Variants in PDE1A observed in about 807,000 individuals in gnomAD.
The protein encoded by PDE1A is phosphodiesterase 1A, also known as dual specificity calcium/calmodulin-dependent 3',5'-cyclic nucleotide phosphodiesterase 1A.
PDE1A carries 35 observed loss-of-function variants against 61.7 expected under a neutral mutation model. The observed-to-expected ratio is 0.57, with a 90% CI of 0.43 to 0.75. The LOEUF is 0.75. PDE1A is among the 30% of genes least tolerant of loss of function. PDE1A has a pLI of 0.00. For missense variants in PDE1A, 597 were observed against 630.6 expected (o/e 0.95, Z 0.57); for synonymous variants, 232 against 213.2 (o/e 1.09, Z -0.77).
At chr2:182,496,389 T>C (rs1467641948) in intron 2 of PDE1A, among the ~76,000 whole-genome samples, 3 of 152,242 alleles carry the variant, frequency 2.0e-5, no homozygotes, top group Non-Finnish European at 2.9e-5. Flanking sequence ...GTATCTTTTT[T>C]ATTATTATTT....
chr2:182,247,612 C>T (rs1691072824), intron 2 of PDE1A, among the ~76,000 whole-genome samples: 1 of 152,178 alleles, frequency 6.6e-6, no homozygotes, highest in African/African-American at 2.4e-5. Flanking sequence ...TGAGCAGCTC[C>T]TCAAGTTTCA....
intron 7 of PDE1A, among the ~76,000 whole-genome samples, chr2:182,210,840 G>C (rs963529675): frequency 8.6e-5 from 13 of 151,936 alleles, no homozygotes; most frequent in African/African-American, 3.1e-4. Flanking sequence ...AGGGTATAAG[G>C]CCTGTGTCTT....
chr2:182,236,566 T>C (rs940559989), intron 3 of PDE1A, among the ~76,000 whole-genome samples: 2 of 152,230 alleles, frequency 1.3e-5, no homozygotes, highest in Non-Finnish European at 2.9e-5. Flanking sequence ...GAATCACATG[T>C]TAGCCACTCA....
At chr2:182,343,928 G>A (rs1221794524) in intron 1 of PDE1A, among the ~76,000 whole-genome samples, 1 of 150,828 alleles carries the variant, frequency 6.6e-6, no homozygotes, top group African/African-American at 2.4e-5. Flanking sequence ...GGAGTGCAGT[G>A]GCACAATCAC....
chr2:182,330,320 G>A (rs1697323680), intron 1 of PDE1A, among the ~76,000 whole-genome samples: 1 of 146,208 alleles, frequency 6.8e-6, no homozygotes, highest in Non-Finnish European at 1.5e-5. Flanking sequence ...CTCCAGCCTG[G>A]GTGACAACAG....
chr2:182,330,386 C>T (rs578122979), intron 1 of PDE1A, among the ~76,000 whole-genome samples: 24 of 151,876 alleles, frequency 1.6e-4, no homozygotes, highest in Non-Finnish European at 2.1e-4. Context: ...TGGGTTACAG[C>T]ACTGAATAAT....
At chr2:182,385,312 G>A (rs896024163) in intron 1 of PDE1A, among the ~76,000 whole-genome samples, 24 of 152,270 alleles carry the variant, frequency 1.6e-4, no homozygotes, top group South Asian at 6.2e-4. Flanking sequence ...ACTTCAGTGC[G>A]AAGGTTGACA....
intron 12 of PDE1A, 32 bp downstream of exon 12, chr2:182,186,436 T>C: frequency 6.2e-7 from 1 of 1,604,274 alleles, no homozygotes; most frequent in East Asian, 2.2e-5. Flanking sequence ...ACCACAAAGA[T>C]GAAAAATAAT....
At chr2:182,304,408 A>G (rs1695446595) in intron 1 of PDE1A, among the ~76,000 whole-genome samples, 1 of 152,162 alleles carries the variant, frequency 6.6e-6, no homozygotes, top group South Asian at 2.1e-4. Context: ...CTTATAATTC[A>G]TGTTTTCACT....
At chr2:182,398,154 C>A (rs1701812603) in intron 1 of PDE1A, among the ~76,000 whole-genome samples, 1 of 151,890 alleles carries the variant, frequency 6.6e-6, no homozygotes, top group African/African-American at 2.4e-5. Flanking sequence ...TGGGTGAAGT[C>A]AGTGAGGAAA....
At chr2:182,707,223 C>T in the PDE1A span, among the ~76,000 whole-genome samples, 1 of 151,988 alleles carries the variant, frequency 6.6e-6, no homozygotes, top group Non-Finnish European at 1.5e-5. Context: ...AAATCAGTAA[C>T]TTAAATTTCC....
intron 1 of PDE1A, among the ~76,000 whole-genome samples, chr2:182,338,669 A>G (rs1697993644): frequency 6.6e-6 from 1 of 151,832 alleles, no homozygotes; most frequent in Admixed American, 6.6e-5. Flanking sequence ...GACTATAAGC[A>G]CCTGACACCA....
intron 2 of PDE1A, among the ~76,000 whole-genome samples, chr2:182,490,880 A>G (rs139196478): frequency 6.6e-6 from 1 of 152,174 alleles, no homozygotes; most frequent in Non-Finnish European, 1.5e-5. Context: ...AAAATAATGC[A>G]AAGTGTAGGA....
At chr2:182,376,588 T>G (rs1259472028) in intron 1 of PDE1A, among the ~76,000 whole-genome samples, 1 of 152,222 alleles carries the variant, frequency 6.6e-6, no homozygotes, top group Non-Finnish European at 1.5e-5. Flanking sequence ...TATCTTCTTC[T>G]GAGCCCTCCA....
the PDE1A span, among the ~76,000 whole-genome samples, chr2:182,696,264 C>G: frequency 6.6e-6 from 1 of 152,076 alleles, no homozygotes; most frequent in Non-Finnish European, 1.5e-5. Flanking sequence ...ATCCAGACAA[C>G]GGGATATTAT....
chr2:182,629,883 C>T, the PDE1A span, among the ~76,000 whole-genome samples: 1 of 152,178 alleles, frequency 6.6e-6, no homozygotes, highest in Non-Finnish European at 1.5e-5. Flanking sequence ...CTACCATTGC[C>T]TATCCATTCT....
At chr2:182,438,705 A>G (rs1243085695) in intron 2 of PDE1A, among the ~76,000 whole-genome samples, 1 of 151,968 alleles carries the variant, frequency 6.6e-6, no homozygotes, top group African/African-American at 2.4e-5. Flanking sequence ...ACTTAAAGGT[A>G]AAAATATGAG....
chr2:182,329,736 C>T (rs573770276), intron 1 of PDE1A, among the ~76,000 whole-genome samples: 24 of 152,240 alleles, frequency 1.6e-4, no homozygotes, highest in Non-Finnish European at 2.8e-4. Context: ...CTGCAAAGCA[C>T]CATCACCACT....
the PDE1A span, among the ~76,000 whole-genome samples, chr2:182,556,121 A>G: frequency 6.6e-6 from 1 of 152,156 alleles, no homozygotes; most frequent in African/African-American, 2.4e-5. Context: ...AATAAAAATG[A>G]AGGGAGTGAT....
Sources: allele counts gnomAD v4.1 joint callset (sites outside exome capture counted in the v4.1 genomes callset), GRCh38; gene constraint gnomAD v4.1.1; transcripts MANE v1.5; gene names NCBI Gene and HGNC (gene_info 2026-07-23, HGNC 2026-07-21).